COPA: variants seen among roughly 807,000 people sequenced by gnomAD.
COPA encodes coat protein complex I subunit alpha, also known as coatomer subunit alpha.
In COPA, 10 loss-of-function variants were observed where a neutral mutation model predicts 158.7. That is an observed-to-expected ratio of 0.06 (90% CI 0.04 to 0.11). The LOEUF is 0.11. Among genes scored for constraint, COPA ranks in the 10% least tolerant of loss-of-function variants. COPA has a pLI of 1.00. For synonymous variants in COPA, 462 were observed against 542.8 expected, an observed-to-expected ratio of 0.85 and a Z score of 2.07; for missense variants, 1,065 against 1,536.7, an observed-to-expected ratio of 0.69 and a Z score of 5.13.
intron 8 of COPA, among the ~76,000 whole-genome samples, chr1:160,321,469 G>A (rs1380531893): frequency 6.6e-6 from 1 of 152,158 alleles, no homozygotes; most frequent in East Asian, 1.9e-4. Flanking sequence ...CAGTCCAGCT[G>A]CGGGATACAA....
At chr1:160,293,351 C>G in intron 26 of COPA, 35 bp downstream of exon 26, 1 of 1,612,612 alleles carries the variant, frequency 6.2e-7, no homozygotes, top group Non-Finnish European at 8.5e-7. Context: ...GTATTAGCCA[C>G]TCATCCCTGC....
chr1:160,330,128 C>A (rs78824267), intron 6 of COPA, among the ~76,000 whole-genome samples: 4,930 of 150,886 alleles, frequency 0.033, 266 homozygotes, highest in African/African-American at 0.11. Context: ...CCACCCCCCC[C>A]AAAAAAAAAT....
intron 6 of COPA, among the ~76,000 whole-genome samples, chr1:160,328,500 C>G (rs1557873619): frequency 6.6e-6 from 1 of 152,094 alleles, no homozygotes; most frequent in East Asian, 1.9e-4. Context: ...CAGCAGCTAC[C>G]CAAATCCAGA....
At chr1:160,335,043 A>G (rs1021656058) in intron 4 of COPA, among the ~76,000 whole-genome samples, 199 bp downstream of exon 4, 1 of 152,212 alleles carries the variant, frequency 6.6e-6, no homozygotes, top group African/African-American at 2.4e-5. Context: ...ACTGAATCCA[A>G]TAAAATTAAA....
intron 8 of COPA, among the ~76,000 whole-genome samples, chr1:160,320,517 G>A (rs1390294535): frequency 7.2e-6 from 1 of 138,894 alleles, no homozygotes; most frequent in African/African-American, 2.7e-5. Flanking sequence ...GCTGAGGCAG[G>A]AGAATTGTTT....
rs16831806 is a variant in COPA, at chr1:160,308,499, C to T, written c.1219+602G>A. ...TCTGACCTGGTACTAGCCATAAACCCGCTGGAAGAAGTGCACCCAAAAGAC... is the reference window on the plus strand; with the variant it reads ...TCTGACCTGGTACTAGCCATAAACCTGCTGGAAGAAGTGCACCCAAAAGAC... On this transcript the variant is annotated intron_variant, in intron 13 of 32. Transcript: ENST00000241704. Among the ~76,000 whole-genome samples, 616 of 152,254 alleles carry T rather than the reference C, an allele frequency of 4.0e-3. 6 individuals carry two copies. Among genetic ancestry groups the T allele is most frequent in the African/African-American group, 0.014 (589 of 41,528 alleles).
rs374998377 is a variant in COPA at position 160,336,863 on chromosome 1, A to C, written c.229-1541T>G. 2.6e-5 allele frequency among the ~76,000 whole-genome samples: 4 copies of C among 152,310 alleles called. No individual in the cohort carries two copies. The East Asian group carries it at 7.7e-4, about 29-fold the overall frequency. Reference sequence around the variant, plus strand: ...CCAAAAGTATGATCTTCCAAACAAGAATGCTGAGTTCCTTAAAGGCAGGGT... The same window carrying C: ...CCAAAAGTATGATCTTCCAAACAAGCATGCTGAGTTCCTTAAAGGCAGGGT... On this transcript the variant is annotated intron_variant, in intron 3 of 32. Coordinates refer to ENST00000241704, the MANE Select transcript of COPA (RefSeq NM_004371.4).
rs780494831 is a variant in COPA at position 160,339,986 on chromosome 1, G to A, written c.155-4C>T. The A allele has an allele frequency of 1.2e-6, 2 of 1,614,032 alleles. No homozygotes were observed. The highest frequency in any genetic ancestry group is 1.7e-6 in the Non-Finnish European group (2 of 1,179,892). On this transcript the variant is annotated splice_region_variant and splice_polypyrimidine_tract_variant and intron_variant, in intron 2 of 32. Transcript: ENST00000241704. The stretch of plus-strand genomic sequence containing the variant: ...AAGTCAATGCCTCGCACTGGACCTG[G>A]TGGAGAAGGCAGGCAATGTATGTTA...
At chr1:160,333,722 C>A in intron 4 of COPA, 43 bp from the exon 5 acceptor site, 1 of 1,482,636 alleles carries the variant, frequency 6.7e-7, no homozygotes, top group South Asian at 1.2e-5. Context: ...TTAAACAAAT[C>A]TGTTCTATCA....
chr1:160,323,634 C>T (rs962652619), intron 7 of COPA, 104 bp from the exon 8 acceptor site: 2 of 811,566 alleles, frequency 2.5e-6, no homozygotes, highest in African/African-American at 1.8e-5. Flanking sequence ...ATTTATTCTT[C>T]ATGTGAACAG....
At chr1:160,302,119 T>G (rs1449546541) in intron 17 of COPA, among the ~76,000 whole-genome samples, 3 of 152,132 alleles carry the variant, frequency 2.0e-5, no homozygotes, top group Non-Finnish European at 4.4e-5. Flanking sequence ...ACAGATACTA[T>G]GATTATTTGT....
At chr1:160,340,581 C>G (rs1254151328) in intron 1 of COPA, among the ~76,000 whole-genome samples, 1 of 152,152 alleles carries the variant, frequency 6.6e-6, no homozygotes, top group East Asian at 1.9e-4. Context: ...AGAGGGGCTA[C>G]AGCAGCCTTC....
chr1:160,292,442 C>T (rs1658271711), intron 28 of COPA, 42 bp downstream of exon 28: 2 of 1,610,694 alleles, frequency 1.2e-6, no homozygotes, highest in African/African-American at 1.3e-5. Flanking sequence ...AAATATCGAC[C>T]ACAACTTGGA....
intron 13 of COPA, 78 bp from the exon 14 acceptor site, chr1:160,307,323 C>A: frequency 7.3e-7 from 1 of 1,365,356 alleles, no homozygotes; most frequent in Non-Finnish European, 1.0e-6. Flanking sequence ...CATGGAGCTG[C>A]CAGTCTTGCT....
chr1:160,313,930 C>T, intron 9 of COPA, 60 bp downstream of exon 9: 2 of 1,460,300 alleles, frequency 1.4e-6, no homozygotes, highest in Non-Finnish European at 1.8e-6. Context: ...AGAAGTATTC[C>T]AATCTAATTT....
chr1:160,317,397 C>T, intron 8 of COPA: 3 of 1,604,912 alleles, frequency 1.9e-6, no homozygotes, highest in Non-Finnish European at 2.6e-6. Flanking sequence ...AAGCCACTGT[C>T]ATCATGTCTG....
chr1:160,291,206 A>G (rs747140969), intron 31 of COPA, 129 bp downstream of exon 31: 3 of 995,710 alleles, frequency 3.0e-6, no homozygotes, highest in Non-Finnish European at 4.5e-6. Flanking sequence ...AACAGAGGGT[A>G]GCATTCTGTT....
intron 8 of COPA, among the ~76,000 whole-genome samples, chr1:160,315,901 C>A (rs1436314370): frequency 1.3e-5 from 2 of 152,136 alleles, no homozygotes. Flanking sequence ...AAGAAATTTA[C>A]CAGAGAAGTT....
chr1:160,306,624 T>A, intron 14 of COPA, 131 bp from the exon 15 acceptor site: 1 of 1,131,022 alleles, frequency 8.8e-7, no homozygotes, highest in South Asian at 1.4e-5. Context: ...CCATGTCAAT[T>A]ACCACTGCAG....
Sources: allele counts gnomAD v4.1 joint callset (sites outside exome capture counted in the v4.1 genomes callset), GRCh38; gene constraint gnomAD v4.1.1; transcripts MANE v1.5; gene names NCBI Gene and HGNC (gene_info 2026-07-23, HGNC 2026-07-21).